GRIK3: variants seen among roughly 807,000 people sequenced by gnomAD.
GRIK3 encodes the protein glutamate receptor ionotropic, kainate 3.
In GRIK3, 29 loss-of-function variants were observed where a neutral mutation model predicts 102.5. That is an observed-to-expected ratio of 0.28 (90% CI 0.21 to 0.39). The LOEUF (loss-of-function observed/expected upper bound fraction) is 0.39. Among genes scored for constraint, GRIK3 ranks in the 10% least tolerant of loss-of-function variants. The pLI, the probability that GRIK3 is intolerant of heterozygous loss-of-function variation, is 1.00. For missense variants in GRIK3, 908 were observed against 1,252.4 expected (o/e 0.73, Z 4.15); for synonymous variants, 511 against 504.9 (o/e 1.01, Z -0.16).
At chr1:36,867,661 G>A (rs1256369637) in intron 5 of GRIK3, among the ~76,000 whole-genome samples, 1 of 151,956 alleles carries the variant, frequency 6.6e-6, no homozygotes, top group Non-Finnish European at 1.5e-5. Flanking sequence ...ATAAGATAGA[G>A]CCACCAAGCA....
At chr1:37,030,395 G>T (rs1400762151) in intron 1 of GRIK3, among the ~76,000 whole-genome samples, 2 of 152,132 alleles carry the variant, frequency 1.3e-5, no homozygotes, top group African/African-American at 4.8e-5. Context: ...CTCTGAGGGA[G>T]GGGGTGTCTC....
intron 10 of GRIK3, among the ~76,000 whole-genome samples, chr1:36,826,164 A>G (rs749908251): frequency 2.0e-5 from 3 of 152,356 alleles, no homozygotes; most frequent in Middle Eastern, 6.8e-3. Flanking sequence ...AATACAGTTC[A>G]GTAACCTATG....
At chr1:36,848,209 C>G (rs539517692) in intron 9 of GRIK3, among the ~76,000 whole-genome samples, 1 of 152,322 alleles carries the variant, frequency 6.6e-6, no homozygotes, top group Admixed American at 6.5e-5. Flanking sequence ...AATTTAACCC[C>G]TTGATCTTTC....
rs1466439216 is a variant in GRIK3, at chr1:36,800,786, A to C, written c.*1065T>G. The C allele has an allele frequency of 6.6e-6, 1 of 152,128 alleles. No individual in the cohort carries two copies. 9.4% of individuals were successfully genotyped at this position (152,128 alleles called of 1,614,324 possible). ...TAGGACACTAACTCCTTTTTTGAGG[A>C]GGGACAACTTGACTTTCACTTCAAC... On this transcript the variant is annotated 3_prime_UTR_variant, in exon 16 of 16. Coordinates refer to ENST00000373091, the MANE Select transcript of GRIK3 (RefSeq NM_000831.4).
intron 1 of GRIK3, among the ~76,000 whole-genome samples, chr1:36,912,578 A>G (rs552257): frequency 0.89 from 135,581 of 151,970 alleles, 60,527 homozygotes; most frequent in East Asian, 0.99. Flanking sequence ...AGCCCTCCTC[A>G]CAGGGCTTGC....
intron 2 of GRIK3, among the ~76,000 whole-genome samples, chr1:36,887,460 T>C (rs1172613772): frequency 6.6e-6 from 1 of 152,050 alleles, no homozygotes; most frequent in Non-Finnish European, 1.5e-5. Context: ...CAATAATATA[T>C]AAATCAAGAA....
intron 11 of GRIK3, among the ~76,000 whole-genome samples, chr1:36,824,324 C>G (rs1642729700): frequency 6.6e-6 from 1 of 152,188 alleles, no homozygotes; most frequent in Admixed American, 6.5e-5. Context: ...TGGAGAGTGG[C>G]TCCTGGCTTT....
At chr1:37,020,532 G>A (rs776465703) in intron 1 of GRIK3, among the ~76,000 whole-genome samples, 1 of 152,092 alleles carries the variant, frequency 6.6e-6, no homozygotes. Context: ...TATCAGGTGT[G>A]ACATTTGACA....
rs867350952 is a variant in GRIK3 at position 37,011,940 on chromosome 1, G to A, written c.115+22054C>T. ...AAACCTTTTTGGGGGGACGTGGGCA[G>A]ATGGATTAACTCCACCTCCCATGCA... On this transcript the variant is annotated intron_variant, in intron 1 of 15. Coordinates refer to ENST00000373091, the MANE Select transcript of GRIK3 (RefSeq NM_000831.4). 3.3e-5 allele frequency among the ~76,000 whole-genome samples: 5 copies of A among 152,314 alleles called. No individual in the cohort carries two copies. The South Asian group carries it at 1.0e-3, about 32-fold the overall frequency.
Position 36,983,865 on chromosome 1 carries a change from G to A in GRIK3, c.115+50129C>T, listed in dbSNP as rs147806471. On this transcript the variant is annotated intron_variant, in intron 1 of 15. Coordinates refer to ENST00000373091, the MANE Select transcript of GRIK3 (RefSeq NM_000831.4). The stretch of plus-strand genomic sequence containing the variant: ...CTACAAATGCTTATTGGGCATCCAC[G>A]AGGTGCCTGGCAGTGTTCTGGGCAC... Among the ~76,000 whole-genome samples, 767 of 152,132 alleles carry A rather than the reference G, an allele frequency of 5.0e-3. 9 individuals are homozygous for A. The highest frequency in any genetic ancestry group is 0.017 in the African/African-American group (722 of 41,476).
At chr1:36,884,040 C>G (rs188284204) in intron 2 of GRIK3, among the ~76,000 whole-genome samples, 2 of 152,200 alleles carry the variant, frequency 1.3e-5, no homozygotes, top group African/African-American at 4.8e-5. Flanking sequence ...CCCTGTAACA[C>G]GGGGCAGAAC....
intron 1 of GRIK3, among the ~76,000 whole-genome samples, chr1:36,981,662 G>A (rs779086943): frequency 6.7e-6 from 1 of 149,570 alleles, no homozygotes; most frequent in Non-Finnish European, 1.5e-5. Flanking sequence ...CAGCCTAGAT[G>A]TTCCTCCAGG....
At chr1:36,864,185 G>T (rs1185535763) in intron 5 of GRIK3, among the ~76,000 whole-genome samples, 1 of 152,140 alleles carries the variant, frequency 6.6e-6, no homozygotes, top group Non-Finnish European at 1.5e-5. Context: ...TTAACTCAGG[G>T]TTATCTACAG....
intron 3 of GRIK3, among the ~76,000 whole-genome samples, chr1:36,874,583 C>T (rs942476036): frequency 2.6e-5 from 4 of 152,202 alleles, no homozygotes; most frequent in Non-Finnish European, 4.4e-5. Flanking sequence ...ACAGGCTATC[C>T]CCCTCCCAAT....
intron 1 of GRIK3, among the ~76,000 whole-genome samples, chr1:36,981,857 A>G (rs1348817980): frequency 1.3e-5 from 2 of 152,208 alleles, no homozygotes; most frequent in African/African-American, 2.4e-5. Flanking sequence ...CAAAGGAGTC[A>G]CTATAACCCA....
At chr1:36,955,436 A>C (rs1236402213) in intron 1 of GRIK3, among the ~76,000 whole-genome samples, 1 of 152,212 alleles carries the variant, frequency 6.6e-6, no homozygotes, top group South Asian at 2.1e-4. Flanking sequence ...CCCAACACAC[A>C]GTGGAACACA....
Position 36,798,080 on chromosome 1 carries a change from C to T in GRIK3, c.*3771G>A, listed in dbSNP as rs944831292. On this transcript the variant is annotated 3_prime_UTR_variant, in exon 16 of 16. Coordinates refer to ENST00000373091, the MANE Select transcript of GRIK3 (RefSeq NM_000831.4). ...CACTGGCCAAGGGGGCGTCACCCCT[C>T]GCGAGAGACTCTTGCAGCATGGGGC... 5 of 152,296 alleles carry T rather than the reference C, an allele frequency of 3.3e-5. No individual in the cohort carries two copies. Among genetic ancestry groups the T allele is most frequent in the Admixed American group, 6.5e-5 (1 of 15,282 alleles). 9.4% of individuals were successfully genotyped at this position (152,296 alleles called of 1,614,324 possible).
intron 13 of GRIK3, among the ~76,000 whole-genome samples, chr1:36,812,197 C>A (rs545111411): frequency 6.6e-6 from 1 of 152,182 alleles, no homozygotes; most frequent in East Asian, 1.9e-4. Context: ...GGGTGTGGAC[C>A]AGGTGACCTC....
chr1:36,999,178 G>C (rs1207340573), intron 1 of GRIK3, among the ~76,000 whole-genome samples: 1 of 152,078 alleles, frequency 6.6e-6, no homozygotes, highest in Non-Finnish European at 1.5e-5. Context: ...GGGTGAGTCA[G>C]TTACACATGG....
Sources: allele counts gnomAD v4.1 joint callset (sites outside exome capture counted in the v4.1 genomes callset), GRCh38; gene constraint gnomAD v4.1.1; transcripts MANE v1.5; gene names NCBI Gene and HGNC (gene_info 2026-07-23, HGNC 2026-07-21).